TUBB1: variants seen among roughly 807,000 people sequenced by gnomAD.
TUBB1 encodes tubulin beta 1 class VI.
A neutral mutation model predicts 22.6 loss-of-function variants in TUBB1; 28 were observed. The observed-to-expected ratio is 1.24, with a 90% CI of 0.92 to 1.70. The LOEUF (loss-of-function observed/expected upper bound fraction) is 1.70, where lower values mean the gene tolerates loss of function less well. Among genes scored for constraint, TUBB1 ranks in the 40% most tolerant of loss-of-function variants. The pLI, the probability that TUBB1 is intolerant of heterozygous loss-of-function variation, is 0.00. For missense variants in TUBB1, 577 were observed against 605.5 expected, an observed-to-expected ratio of 0.95 and a Z score of 0.49; for synonymous variants, 226 against 238.0, an observed-to-expected ratio of 0.95 and a Z score of 0.46.
rs2091988646 is a variant in TUBB1 at position 59,025,178 on chromosome 20, G to A, written c.*395G>A. The A allele has an allele frequency of 3.3e-6, 1 of 300,882 alleles. No individual in the cohort carries two copies. The highest frequency in any genetic ancestry group is 2.2e-5 in the African/African-American group (1 of 45,854). 18.6% of individuals were successfully genotyped at this position (300,882 alleles called of 1,614,324 possible). ...ATAGGCACCCTGGAATCCTCACTTG[G>A]TATCCGAGGGCTACTAAGACTCTTT... is the stretch of plus-strand genomic sequence containing the variant. On this transcript the variant is annotated 3_prime_UTR_variant, in exon 4 of 4. Coordinates refer to ENST00000217133, the MANE Select transcript of TUBB1 (RefSeq NM_030773.4).
upstream of TUBB1, chr20:59,019,302 A>G: frequency 6.5e-6 from 4 of 612,794 alleles, no homozygotes; most frequent in Non-Finnish European, 5.8e-6. Context: ...TTCCAAAAGC[A>G]TGACAGGCAG....
chr20:59,018,135 C>G (rs1017399993), upstream of TUBB1, among the ~76,000 whole-genome samples: 5 of 152,228 alleles, frequency 3.3e-5, no homozygotes, highest in Non-Finnish European at 7.3e-5. Context: ...GGCTCTCACG[C>G]CTTCTCAGGG....
chr20:59,022,751 C>T (rs2091973287), intron 1 of TUBB1, 94 bp from the exon 2 acceptor site: 1 of 1,158,540 alleles, frequency 8.6e-7, no homozygotes, highest in Non-Finnish European at 1.3e-6. Context: ...GGTCAGGCAA[C>T]CAGAGGGAAA....
At position 59,024,771 on chromosome 20, in the gene TUBB1, T is replaced by C. The variant is rs1466032978; in HGVS notation, c.1344T>C (p.Asp448=). ...VTEEAEMEPE[D]KGH Reference sequence around the variant, plus strand: ...AGGAGGCAGAAATGGAGCCAGAAGATAAGGGACATTAACTGTGAGAGAAGC... The same window carrying C: ...AGGAGGCAGAAATGGAGCCAGAAGACAAGGGACATTAACTGTGAGAGAAGC... The change falls in exon 4 of 4, where the codon GAT becomes GAC. Residue 448 remains aspartate (D), a synonymous_variant. Coordinates refer to ENST00000217133, the MANE Select transcript of TUBB1 (RefSeq NM_030773.4). The surrounding 1 kb of genome is among the most constrained non-coding windows in gnomAD (Gnocchi z 4.9). The C allele has an allele frequency of 1.3e-5, 21 of 1,613,852 alleles. No individual in the cohort carries two copies. The highest frequency in any genetic ancestry group is 1.6e-5 in the Non-Finnish European group (19 of 1,179,976).
In TUBB1 at chr20:59,023,693, T is replaced by C. The variant is rs2091978715; in HGVS notation, c.278-12T>C. ...CCTTTCTTCCCCTGCTGGTTTCTCT[T>C]TTTGGCCACAGGTAACTCTGGGGCT... On this transcript the variant is annotated splice_polypyrimidine_tract_variant and intron_variant, in intron 3 of 3. Coordinates refer to ENST00000217133, the MANE Select transcript of TUBB1 (RefSeq NM_030773.4). 1 of 1,614,206 alleles carries C rather than the reference T, an allele frequency of 6.2e-7. No homozygotes were observed. Among genetic ancestry groups the C allele is most frequent in the Non-Finnish European group, 8.5e-7 (1 of 1,180,032 alleles).
At chr20:59,020,330 A>G (rs937658911) in intron 1 of TUBB1, among the ~76,000 whole-genome samples, 3 of 152,234 alleles carry the variant, frequency 2.0e-5, no homozygotes, top group Non-Finnish European at 4.4e-5. Flanking sequence ...GATTACAGGC[A>G]TGCGCCACCA....
At chr20:59,017,355 C>T (rs1049598364), upstream of TUBB1, among the ~76,000 whole-genome samples, 3 of 152,222 alleles carry the variant, frequency 2.0e-5, no homozygotes, top group Non-Finnish European at 4.4e-5. Flanking sequence ...GGGATCTACA[C>T]ACTAGACAGA....
At position 59,024,887 on chromosome 20, in the gene TUBB1, G is replaced by T; in HGVS notation, c.*104G>T. 3 of 1,005,700 alleles carry T rather than the reference G, an allele frequency of 3.0e-6. No homozygotes were observed. The highest frequency in any genetic ancestry group is 4.7e-6 in the Non-Finnish European group (3 of 644,952). 62.3% of individuals were successfully genotyped at this position (1,005,700 alleles called of 1,614,324 possible). A position where few individuals can be genotyped will look rare whatever the true frequency, so the allele number is the denominator to read the frequency against. ...AACCCACTCTGCACTGCAGCACAGT[G>T]AATGATATGCACTCACCATTAGCTT... On this transcript the variant is annotated 3_prime_UTR_variant, in exon 4 of 4. Transcript: ENST00000217133. The surrounding 1 kb of genome is among the most constrained non-coding windows in gnomAD (Gnocchi z 4.9).
intron 1 of TUBB1, among the ~76,000 whole-genome samples, chr20:59,019,998 C>T (rs1046074169): frequency 1.3e-5 from 2 of 152,122 alleles, no homozygotes; most frequent in Admixed American, 6.5e-5. Flanking sequence ...GCCTCAGCCT[C>T]CTGAGTAGCT....
upstream of TUBB1, among the ~76,000 whole-genome samples, chr20:59,017,509 C>T (rs1181547149): frequency 1.3e-5 from 2 of 152,226 alleles, no homozygotes; most frequent in Non-Finnish European, 2.9e-5. Context: ...CGATTTCCCC[C>T]AGACACTCCA....
Position 59,025,174 on chromosome 20 carries a change from C to T in TUBB1, c.*391C>T. The T allele has an allele frequency of 9.9e-6, 3 of 302,564 alleles. No homozygotes were observed. The highest frequency in any genetic ancestry group is 8.9e-5 in the South Asian group (3 of 33,678). 18.7% of individuals were successfully genotyped at this position (302,564 alleles called of 1,614,324 possible). On this transcript the variant is annotated 3_prime_UTR_variant, in exon 4 of 4. Transcript: ENST00000217133. ...ACTGATAGGCACCCTGGAATCCTCA[C>T]TTGGTATCCGAGGGCTACTAAGACT...
In TUBB1 at chr20:59,025,173, A is replaced by C. The variant is rs1427133361; in HGVS notation, c.*390A>C. ...CACTGATAGGCACCCTGGAATCCTCACTTGGTATCCGAGGGCTACTAAGAC... is the reference window on the plus strand; with the variant it reads ...CACTGATAGGCACCCTGGAATCCTCCCTTGGTATCCGAGGGCTACTAAGAC... On this transcript the variant is annotated 3_prime_UTR_variant, in exon 4 of 4. Transcript: ENST00000217133. 6.6e-6 allele frequency: 2 copies of C among 303,688 alleles called. No homozygotes were observed. The highest frequency in any genetic ancestry group is 1.7e-4 in the East Asian group (2 of 11,920). 18.8% of individuals were successfully genotyped at this position (303,688 alleles called of 1,614,324 possible). A position where few individuals can be genotyped will look rare whatever the true frequency, so the allele number is the denominator to read the frequency against.
chr20:59,023,510 G>A lies in TUBB1; in HGVS notation c.187G>A (p.Ala63Thr). Residue 63 changes from alanine to threonine, a missense_variant, in exon 3 of 4, where the codon GCA becomes ACA. Physicochemically the swap from Ala to Thr is moderately conservative, Grantham distance 58. Transcript: ENST00000217133. ...EAYGRKYVPR[A>T]VLVDLEPGTM... ...CACAGGTAGGAAATATGTGCCCCGA[G>A]CAGTCTTGGTGGACCTAGAACCTGG... The A allele has an allele frequency of 6.2e-7, 1 of 1,614,134 alleles. No individual in the cohort carries two copies. The highest frequency in any genetic ancestry group is 1.3e-5 in the African/African-American group (1 of 75,028).
intron 1 of TUBB1, among the ~76,000 whole-genome samples, chr20:59,020,333 C>T (rs570513034): frequency 1.3e-5 from 2 of 152,310 alleles, no homozygotes; most frequent in South Asian, 2.1e-4. Context: ...TACAGGCATG[C>T]GCCACCACGT....
At position 59,025,903 on chromosome 20, in the gene TUBB1, C is replaced by T. The variant is rs1381460106; in HGVS notation, c.*1120C>T. 6.6e-6 allele frequency: 1 copy of T among 152,234 alleles called. No homozygotes were observed. The highest frequency in any genetic ancestry group is 1.5e-5 in the Non-Finnish European group (1 of 68,046). 9.4% of individuals were successfully genotyped at this position (152,234 alleles called of 1,614,324 possible). Reference sequence around the variant, plus strand: ...AGGACCAAATACACAAGAGCGTAATCAAATCATCTGTAACTTCTTAATTAC... The same window carrying T: ...AGGACCAAATACACAAGAGCGTAATTAAATCATCTGTAACTTCTTAATTAC... On this transcript the variant is annotated 3_prime_UTR_variant, in exon 4 of 4. Transcript: ENST00000217133.
At chr20:59,022,726 G>T (rs1443449402) in intron 1 of TUBB1, 119 bp from the exon 2 acceptor site, 2 of 847,532 alleles carry the variant, frequency 2.4e-6, no homozygotes, top group Non-Finnish European at 4.0e-6. Flanking sequence ...GGCCCTAAAA[G>T]AATGTCTTGG....
At chr20:59,022,002 A>C (rs1258206191) in intron 1 of TUBB1, among the ~76,000 whole-genome samples, 1 of 135,498 alleles carries the variant, frequency 7.4e-6, no homozygotes, top group African/African-American at 2.8e-5. Context: ...TCTCAAAATA[A>C]ATAAATAAAC....
At position 59,024,442 on chromosome 20, in the gene TUBB1, AG is replaced by A. The variant is rs1178131063; in HGVS notation, c.1016del (p.Ser339ThrfsTer23). 6 of 1,614,222 alleles carry A rather than the reference AG, an allele frequency of 3.7e-6. No individual in the cohort carries two copies. Among genetic ancestry groups the A allele is most frequent in the Non-Finnish European group, 5.1e-6 (6 of 1,180,042 alleles). On this transcript the variant is annotated frameshift_variant, in exon 4 of 4. Coordinates refer to ENST00000217133, the MANE Select transcript of TUBB1 (RefSeq NM_030773.4). LOFTEE classifies it low-confidence loss of function (END_TRUNC). The surrounding 1 kb of genome is among the most constrained non-coding windows in gnomAD (Gnocchi z 4.9). Reference sequence around the variant, plus strand: ...GCTCTCCGTGCAGACCAGGAACAGCAGCTGCTTTGTGGAGTGGATTCCCAAC... The same window carrying A: ...GCTCTCCGTGCAGACCAGGAACAGCACTGCTTTGTGGAGTGGATTCCCAAC... ...QLLSVQTRNSSCFVEWIPNNV... is the reference protein window; with the variant it reads ...QLLSVQTRNSXCFVEWIPNNV...
chr20:59,024,288 C>A lies in TUBB1; in HGVS notation c.861C>A (p.Ala287=). The stretch of plus-strand genomic sequence containing the variant: ...AGCAGTACCGAGCCCTCTCCGTGGC[C>A]GAGCTCACCCAGCAGATGTTCGATG... ...GSQQYRALSV[A]ELTQQMFDAR... is the part of the protein sequence containing the mutation. The change falls in exon 4 of 4, where the codon GCC becomes GCA. Residue 287 remains alanine, a synonymous_variant. Coordinates refer to ENST00000217133, the MANE Select transcript of TUBB1 (RefSeq NM_030773.4). The surrounding 1 kb of genome is among the most constrained non-coding windows in gnomAD (Gnocchi z 4.9). 6.2e-7 allele frequency: 1 copy of A among 1,613,994 alleles called. No homozygotes were observed. The highest frequency in any genetic ancestry group is 1.3e-5 in the African/African-American group (1 of 75,066).
Sources: gnomAD v4.1 joint callset for allele counts (sites outside exome capture counted in the v4.1 genomes callset) on GRCh38, gnomAD v4.1.1 for gene constraint, Gnocchi (gnomAD v3.1) non-coding constraint, MANE v1.5 for transcripts, NCBI Gene and HGNC (gene_info 2026-07-23, HGNC 2026-07-21) for gene names.